The following KIAA0513 variants were observed in gnomAD, a reference collection of about 807,000 sequenced individuals.
The protein encoded by KIAA0513 is KIAA0513.
A neutral mutation model predicts 56.5 loss-of-function variants in KIAA0513; 39 were observed. That is an observed-to-expected ratio of 0.69 (90% CI 0.53 to 0.90). The LOEUF is 0.90. Among genes scored for constraint, KIAA0513 ranks in the 40% least tolerant of loss-of-function variants. KIAA0513 has a pLI of 0.00. For missense variants in KIAA0513, 591 were observed against 535.2 expected (o/e 1.10, Z -1.03); for synonymous variants, 268 against 215.6 (o/e 1.24, Z -2.13).
intron 1 of KIAA0513, among the ~76,000 whole-genome samples, chr16:85,044,513 T>A (rs74748618): frequency 1.0e-3 from 156 of 150,946 alleles, no homozygotes; most frequent in Admixed American, 2.5e-3. Flanking sequence ...TATTTTTATT[T>A]TTTTTTTTTT....
chr16:85,041,404 G>A (rs1424719331), intron 1 of KIAA0513, among the ~76,000 whole-genome samples: 7 of 152,158 alleles, frequency 4.6e-5, no homozygotes, highest in Non-Finnish European at 1.0e-4. Flanking sequence ...CTGCTCCTGG[G>A]CTCCTACTGG....
At chr16:85,079,361 G>A (rs12446708) in intron 8 of KIAA0513, 21,378 of 240,638 alleles carry the variant, frequency 0.089, 2,822 homozygotes, top group African/African-American at 0.33. Context: ...TAGCAACGTC[G>A]TTTATTATGG....
chr16:85,049,585 G>A (rs1437751416), intron 1 of KIAA0513, among the ~76,000 whole-genome samples: 2 of 152,132 alleles, frequency 1.3e-5, no homozygotes, highest in Non-Finnish European at 2.9e-5. Flanking sequence ...TTAAAAGCGT[G>A]TGGCACCTCC....
rs1219655811 is a variant in KIAA0513 at position 85,077,579 on chromosome 16, C to G, written c.729C>G (p.Gly243=). ...NTSARTENVK[G]FFGGLETKLK... Reference sequence around the variant, plus strand: ...CGGCCAGGACTGAGAATGTCAAGGGCTTCTTCGGGGGGCTGGAGACCAAGC... The same window carrying G: ...CGGCCAGGACTGAGAATGTCAAGGGGTTCTTCGGGGGGCTGGAGACCAAGC... The change falls in exon 6 of 13, where the codon GGC becomes GGG. Residue 243 remains glycine (G), a synonymous_variant. Coordinates refer to ENST00000683363, the MANE Select transcript of KIAA0513 (RefSeq NM_001388359.1). 1.2e-6 allele frequency: 2 copies of G among 1,614,102 alleles called. No homozygotes were observed. The highest frequency in any genetic ancestry group is 1.7e-6 in the Non-Finnish European group (2 of 1,179,994).
chr16:85,083,697 C>G (rs1408415041), intron 10 of KIAA0513, among the ~76,000 whole-genome samples: 1 of 152,208 alleles, frequency 6.6e-6, no homozygotes, highest in Non-Finnish European at 1.5e-5. Context: ...GCTTTGACCA[C>G]CCATAGCTCT....
intron 1 of KIAA0513, among the ~76,000 whole-genome samples, chr16:85,048,075 C>T (rs941954584): frequency 1.3e-5 from 2 of 152,118 alleles, no homozygotes; most frequent in African/African-American, 4.8e-5. Flanking sequence ...ACAGAAACGT[C>T]TGGGATTACA....
intron 1 of KIAA0513, among the ~76,000 whole-genome samples, chr16:85,042,920 C>A (rs550195935): frequency 3.3e-5 from 5 of 152,132 alleles, no homozygotes; most frequent in Non-Finnish European, 7.4e-5. Flanking sequence ...AATTGCCATC[C>A]TTTTATTCAA....
At chr16:85,048,863 A>G (rs1045923679) in intron 1 of KIAA0513, among the ~76,000 whole-genome samples, 5 of 152,188 alleles carry the variant, frequency 3.3e-5, no homozygotes, top group African/African-American at 1.2e-4. Context: ...ACACAATAAC[A>G]ATCTTCCGAT....
intron 1 of KIAA0513, among the ~76,000 whole-genome samples, chr16:85,037,219 C>A (rs912419870): frequency 1.3e-5 from 2 of 151,952 alleles, no homozygotes; most frequent in African/African-American, 4.8e-5. Flanking sequence ...CACAGCCAGG[C>A]GTGACTCACA....
chr16:85,049,021 C>G (rs142657621), intron 1 of KIAA0513, among the ~76,000 whole-genome samples: 1 of 152,210 alleles, frequency 6.6e-6, no homozygotes, highest in Admixed American at 6.5e-5. Flanking sequence ...GGCAGAAGTT[C>G]TTTCTTGAAG....
Position 85,081,053 on chromosome 16 carries a change from C to T in KIAA0513, c.903-262C>T, listed in dbSNP as rs1035874779. ...CCCGCCAGTGCCCTCCTGCCTGCAG[C>T]GCAGCCCGGGTTATCATAGCTTTCC... On this transcript the variant is annotated intron_variant, in intron 8 of 12. Coordinates refer to ENST00000683363, the MANE Select transcript of KIAA0513 (RefSeq NM_001388359.1). The surrounding 1 kb of genome is among the most constrained non-coding windows in gnomAD (Gnocchi z 4.4). Among the ~76,000 whole-genome samples, 3 of 152,318 alleles carry T rather than the reference C, an allele frequency of 2.0e-5. No homozygotes were observed. Among genetic ancestry groups the T allele is most frequent in the Admixed American group, 6.5e-5 (1 of 15,306 alleles).
Position 85,067,148 on chromosome 16 carries a change from C to T in KIAA0513, c.77C>T (p.Ala26Val). Residue 26 changes from alanine (A) to valine (V), a missense_variant, in exon 2 of 13, where the codon GCA becomes GTA. Ala to Val is a moderately conservative substitution (Grantham distance 64). Transcript: ENST00000683363. ...PEAPTSSPLE[A>V]PPPVLQDGDG... Reference sequence around the variant, plus strand: ...GCACCCACCTCTTCTCCCCTGGAGGCACCACCCCCTGTGCTGCAGGACGGC... The same window carrying T: ...GCACCCACCTCTTCTCCCCTGGAGGTACCACCCCCTGTGCTGCAGGACGGC... The T allele has an allele frequency of 4.3e-6, 7 of 1,613,928 alleles. No individual in the cohort carries two copies. Among genetic ancestry groups the T allele is most frequent in the Non-Finnish European group, 5.9e-6 (7 of 1,179,916 alleles).
intron 1 of KIAA0513, among the ~76,000 whole-genome samples, chr16:85,037,498 C>T (rs975212053): frequency 5.3e-5 from 8 of 152,116 alleles, no homozygotes; most frequent in Admixed American, 3.3e-4. Flanking sequence ...TGAGATGAGA[C>T]GAACACAGTG....
rs1400648513 is a variant in KIAA0513 at position 85,089,408 on chromosome 16, G to C, written c.*1083G>C. Reference sequence around the variant, plus strand: ...TTGTAGCTCCTCCAGCCTCTGCAGAGACTCCCTTCACCTCGCACTTACTGC... The same window carrying C: ...TTGTAGCTCCTCCAGCCTCTGCAGACACTCCCTTCACCTCGCACTTACTGC... On this transcript the variant is annotated 3_prime_UTR_variant, in exon 13 of 13. Transcript: ENST00000683363. This position sits in a 1 kb window ranked among gnomAD's most constrained non-coding sequence, Gnocchi z 4.2. 2 of 152,992 alleles carry C rather than the reference G, an allele frequency of 1.3e-5. No homozygotes were observed. The highest frequency in any genetic ancestry group is 6.5e-5 in the Admixed American group (1 of 15,312). 9.5% of individuals were successfully genotyped at this position (152,992 alleles called of 1,614,324 possible). A position where few individuals can be genotyped will look rare whatever the true frequency, so the allele number is the denominator to read the frequency against.
intron 1 of KIAA0513, among the ~76,000 whole-genome samples, chr16:85,032,306 C>T (rs942414385): frequency 6.6e-6 from 1 of 152,224 alleles, no homozygotes; most frequent in Non-Finnish European, 1.5e-5. Flanking sequence ...GGGCACCAGT[C>T]GGATTGGACC....
chr16:85,086,576 C>A, intron 10 of KIAA0513, 68 bp from the exon 11 acceptor site: 2 of 1,483,938 alleles, frequency 1.3e-6, no homozygotes, highest in Non-Finnish European at 1.9e-6. Context: ...CGGGTCAGAA[C>A]AGGGCGAGGA....
intron 1 of KIAA0513, among the ~76,000 whole-genome samples, chr16:85,039,652 T>C (rs2073079734): frequency 6.6e-6 from 1 of 152,046 alleles, no homozygotes; most frequent in African/African-American, 2.4e-5. Flanking sequence ...TTTATATTTT[T>C]TGTAGCAATG....
intron 1 of KIAA0513, among the ~76,000 whole-genome samples, chr16:85,061,110 G>A (rs534410374): frequency 2.0e-5 from 3 of 150,754 alleles, no homozygotes; most frequent in East Asian, 3.9e-4. Flanking sequence ...CCGAGATCAC[G>A]CCACTGCACT....
chr16:85,077,643 C>A lies in KIAA0513; in HGVS notation c.782+11C>A. 2.5e-6 allele frequency: 4 copies of A among 1,585,934 alleles called. No individual in the cohort carries two copies. Among genetic ancestry groups the A allele is most frequent in the African/African-American group, 1.3e-5 (1 of 74,350 alleles). ...GGCCAGGAGGAACGAGTACGTGTGG[C>A]CTTGGGGTCCCTCCCACCTGCAGGG... is the stretch of plus-strand genomic sequence containing the variant. On this transcript the variant is annotated intron_variant, in intron 6 of 12. Transcript: ENST00000683363.
Sources: gnomAD v4.1 joint callset for allele counts (sites outside exome capture counted in the v4.1 genomes callset) on GRCh38, gnomAD v4.1.1 for gene constraint, Gnocchi (gnomAD v3.1) non-coding constraint, MANE v1.5 for transcripts, NCBI Gene and HGNC (gene_info 2026-07-23, HGNC 2026-07-21) for gene names.